FBXO42: variants seen among roughly 807,000 people sequenced by gnomAD.
FBXO42 encodes the protein F-box only protein 42.
Under a neutral mutation model 71.7 loss-of-function variants are expected in FBXO42, and 12 were observed. The ratio of observed to expected loss-of-function variants is 0.17; its 90% CI spans 0.11 to 0.27. The LOEUF (loss-of-function observed/expected upper bound fraction) is 0.27. Among genes scored for constraint, FBXO42 ranks in the 10% least tolerant of loss-of-function variants. The pLI is 1.00. For missense variants in FBXO42, 707 were observed against 911.9 expected, an observed-to-expected ratio of 0.78 and a Z score of 2.89; for synonymous variants, 325 against 327.5, an observed-to-expected ratio of 0.99 and a Z score of 0.08.
chr1:16,275,735 G>GGACAAAGGACAA (rs1471824927), intron 4 of FBXO42, among the ~76,000 whole-genome samples: 5 of 152,228 alleles, frequency 3.3e-5, no homozygotes, highest in Non-Finnish European at 7.3e-5. Flanking sequence ...GAGGCCAGGA[G>GGACAAAGGACAA]TGGTTGCTCA....
intron 7 of FBXO42, 105 bp downstream of exon 7, chr1:16,253,530 T>A: frequency 1.2e-6 from 1 of 867,824 alleles, no homozygotes; most frequent in Non-Finnish European, 1.8e-6. Context: ...ACATTTTCTT[T>A]GGCTTAGTGC....
chr1:16,350,780 A>AGAAAGAAAGAAAGAAAGAAAGAAAGAAG (rs1190056796), intron 1 of FBXO42, among the ~76,000 whole-genome samples: 1 of 150,692 alleles, frequency 6.6e-6, no homozygotes, highest in Non-Finnish European at 1.5e-5. Context: ...AAAGAAAGAA[A>AGAAAGAAAGAAAGAAAGAAAGAAAGAAG]GAAAGAAAGA....
intron 1 of FBXO42, among the ~76,000 whole-genome samples, chr1:16,333,118 TC>T (rs1451260332): frequency 6.6e-6 from 1 of 152,118 alleles, no homozygotes; most frequent in Non-Finnish European, 1.5e-5. Context: ...TGAGGTTCTA[TC>T]CCCTCCAGCC....
intron 1 of FBXO42, among the ~76,000 whole-genome samples, chr1:16,321,845 A>T (rs2100589757): frequency 6.6e-6 from 1 of 152,272 alleles, no homozygotes; most frequent in Admixed American, 6.5e-5. Flanking sequence ...GGTATAAGTC[A>T]CTGTGCCCAG....
chr1:16,296,765 G>A (rs1490222896), intron 3 of FBXO42, among the ~76,000 whole-genome samples: 2 of 151,630 alleles, frequency 1.3e-5, no homozygotes, highest in Admixed American at 6.6e-5. Flanking sequence ...ATTCAGTTTA[G>A]CACACCAATA....
intron 2 of FBXO42, among the ~76,000 whole-genome samples, chr1:16,307,885 C>T (rs1363406397): frequency 1.3e-5 from 2 of 152,164 alleles, no homozygotes; most frequent in African/African-American, 4.8e-5. Context: ...AGATTCAATG[C>T]AATCCTAGTC....
At position 16,248,219 on chromosome 1, in the gene FBXO42, G is replaced by A. The variant is rs897774085; in HGVS notation, c.*2451C>T. 1.3e-5 allele frequency: 2 copies of A among 152,176 alleles called. No individual in the cohort carries two copies. The highest frequency in any genetic ancestry group is 2.9e-5 in the Non-Finnish European group (2 of 68,046). 9.4% of individuals were successfully genotyped at this position (152,176 alleles called of 1,614,324 possible). On this transcript the variant is annotated 3_prime_UTR_variant, in exon 10 of 10. Coordinates refer to ENST00000375592, the MANE Select transcript of FBXO42 (RefSeq NM_018994.3). ...CAGGTGGCTTCAGGAGGCCTGAGGA[G>A]ACAATCACCTTCACTGTGTTGAATC...
chr1:16,349,183 AC>A (rs1203285683), intron 1 of FBXO42, among the ~76,000 whole-genome samples: 1 of 152,162 alleles, frequency 6.6e-6, no homozygotes. Flanking sequence ...AAAGCAAGTC[AC>A]TCACTAAAGG....
chr1:16,342,045 G>A (rs2082609999), intron 1 of FBXO42, among the ~76,000 whole-genome samples: 1 of 151,766 alleles, frequency 6.6e-6, no homozygotes, highest in African/African-American at 2.4e-5. Context: ...GGGAGTCTGA[G>A]GTGGGTGGAT....
chr1:16,254,603 A>G (rs957866157), intron 6 of FBXO42, among the ~76,000 whole-genome samples: 1 of 152,232 alleles, frequency 6.6e-6, no homozygotes. Flanking sequence ...TCTCATTGGG[A>G]GAGTAGCTCC....
chr1:16,344,216 T>C (rs930907131), intron 1 of FBXO42, among the ~76,000 whole-genome samples: 2 of 151,902 alleles, frequency 1.3e-5, no homozygotes, highest in African/African-American at 4.8e-5. Flanking sequence ...CAGGCTGGTC[T>C]CGAACTCCTG....
intron 1 of FBXO42, among the ~76,000 whole-genome samples, chr1:16,352,050 G>C (rs946047180): frequency 6.6e-6 from 1 of 152,158 alleles, no homozygotes; most frequent in Non-Finnish European, 1.5e-5. Context: ...CCAACCCAAG[G>C]GCTGGCTGGA....
rs773584944 is a variant in FBXO42 at position 16,250,684 on chromosome 1, G to A, written c.2140C>T (p.Arg714Ter). 1.2e-6 allele frequency: 2 copies of A among 1,613,002 alleles called. No individual in the cohort carries two copies. The highest frequency in any genetic ancestry group is 1.7e-5 in the Admixed American group (1 of 59,910). The change falls in exon 10 of 10, where the codon CGA (arginine) becomes TGA (stop). Residue 714 changes from arginine to a stop codon, truncating the protein, a stop_gained. Coordinates refer to ENST00000375592, the MANE Select transcript of FBXO42 (RefSeq NM_018994.3). LOFTEE classifies it high-confidence loss of function. The surrounding 1 kb of genome is among the most constrained non-coding windows in gnomAD (Gnocchi z 4.7). ...TTTAGAACACATTATCTCTTTGCTCGTACAAAGTACAAGGCGTTTGTTTTT... is the reference window on the plus strand; with the variant it reads ...TTTAGAACACATTATCTCTTTGCTCATACAAAGTACAAGGCGTTTGTTTTT... ...YPKTNALYFV[R>*]AKR
chr1:16,342,322 G>T (rs2082612159), intron 1 of FBXO42, among the ~76,000 whole-genome samples: 2 of 151,690 alleles, frequency 1.3e-5, no homozygotes, highest in Non-Finnish European at 2.9e-5. Context: ...CTTGAACCTG[G>T]GAGGCGGAGG....
Position 16,265,780 on chromosome 1 carries a change from TAA to T in FBXO42, c.503-9023_503-9022del, listed in dbSNP as rs35779272. Among the ~76,000 whole-genome samples, 127 of 142,828 alleles carry T rather than the reference TAA, an allele frequency of 8.9e-4. No individual in the cohort carries two copies. In the Middle Eastern group the frequency reaches 0.018, roughly 21 times the overall value. 93.7% of individuals were successfully genotyped at this position (142,828 alleles called of 152,430 possible). On this transcript the variant is annotated intron_variant, in intron 4 of 9. Transcript: ENST00000375592. ...AGTTTAGGTTCAGATAAGTCCCTAT[TAA>T]AAAAAAAAAAAAAGACATTTCAAGG...
At chr1:16,289,408 TAAA>T (rs58450626) in intron 4 of FBXO42, among the ~76,000 whole-genome samples, 1 of 139,292 alleles carries the variant, frequency 7.2e-6, no homozygotes, top group Non-Finnish European at 1.6e-5. Context: ...ATTGTCTCTT[TAAA>T]AAAAAAAAAA....
chr1:16,313,156 A>C (rs1408643642), intron 2 of FBXO42, among the ~76,000 whole-genome samples: 3 of 146,126 alleles, frequency 2.1e-5, no homozygotes, highest in African/African-American at 7.3e-5. Context: ...TTAAAAAAAA[A>C]GTCTACTAAA....
At chr1:16,315,459 T>C (rs2082355036) in intron 1 of FBXO42, 24 bp from the exon 2 acceptor site, 1 of 1,599,984 alleles carries the variant, frequency 6.3e-7, no homozygotes, top group East Asian at 2.2e-5. Flanking sequence ...AACATAAATA[T>C]CAGTATTCCA....
intron 7 of FBXO42, 50 bp downstream of exon 7, chr1:16,253,585 C>G (rs767238972): frequency 4.4e-6 from 7 of 1,574,912 alleles, no homozygotes; most frequent in Non-Finnish European, 6.1e-6. Context: ...CCCGTCCTAA[C>G]TGAAAGACGC....
Sources: allele counts gnomAD v4.1 joint callset (sites outside exome capture counted in the v4.1 genomes callset), GRCh38; gene constraint gnomAD v4.1.1; non-coding constraint Gnocchi (gnomAD v3.1); transcripts MANE v1.5; gene names NCBI Gene and HGNC (gene_info 2026-07-23, HGNC 2026-07-21).